HS3ST5: variants seen among roughly 807,000 people sequenced by gnomAD.
HS3ST5 encodes the protein heparan sulfate glucosamine 3-O-sulfotransferase 5.
In HS3ST5, 10 loss-of-function variants were observed where a neutral mutation model predicts 25.4. That is an observed-to-expected ratio of 0.39 (90% confidence interval 0.24 to 0.67). HS3ST5 has a LOEUF of 0.67. Ranked by LOEUF, HS3ST5 falls within the 30% of genes least tolerant of loss-of-function variation. HS3ST5 has a pLI of 0.44. For synonymous variants in HS3ST5, 170 were observed against 162.4 expected (o/e 1.05, Z -0.36); for missense variants, 324 against 420.7 (o/e 0.77, Z 2.01).
chr6:114,165,705 A>G (rs1236863194), intron 3 of HS3ST5, among the ~76,000 whole-genome samples: 1 of 152,132 alleles, frequency 6.6e-6, no homozygotes. Context: ...CACCCCCATG[A>G]CTGCTACATC....
intron 1 of HS3ST5, among the ~76,000 whole-genome samples, chr6:114,320,608 A>G (rs1213187094): frequency 6.6e-6 from 1 of 152,082 alleles, no homozygotes; most frequent in Non-Finnish European, 1.5e-5. Context: ...TGGTAGCAGT[A>G]TCGGGGTGTA....
intron 2 of HS3ST5, among the ~76,000 whole-genome samples, chr6:114,187,799 C>G (rs1780296427): frequency 6.6e-6 from 1 of 152,024 alleles, no homozygotes; most frequent in South Asian, 2.1e-4. Flanking sequence ...ATCGATGTGG[C>G]CAAGTTTACT....
At chr6:114,262,978 C>G (rs9488359) in intron 1 of HS3ST5, among the ~76,000 whole-genome samples, 83,438 of 151,954 alleles carry the variant, frequency 0.55, 23,129 homozygotes, top group Middle Eastern at 0.65. Context: ...TGTAGAAAGT[C>G]TAGGAGATTG....
intron 2 of HS3ST5, among the ~76,000 whole-genome samples, chr6:114,201,983 C>T (rs1582709803): frequency 1.3e-5 from 2 of 152,162 alleles, no homozygotes; most frequent in East Asian, 1.9e-4. Flanking sequence ...TCAATTACCT[C>T]CCACCGGGTC....
chr6:114,285,235 AATG>A lies in HS3ST5; in HGVS notation c.-338-56460_-338-56458del, dbSNP rs553457650. ...TGTTTTCACTTATAAGTGGGAGCTG[AATG>A]ATGAGAACACATGGACACACAGAAG... On this transcript the variant is annotated intron_variant, in intron 1 of 4. Transcript: ENST00000312719. Among the ~76,000 whole-genome samples the A allele has an allele frequency of 5.4e-4, 82 of 152,138 alleles. 1 individual carries two copies. The South Asian group carries it at 0.017, about 32-fold the overall frequency.
chr6:114,308,089 C>T (rs938632317), intron 1 of HS3ST5, among the ~76,000 whole-genome samples: 3 of 152,006 alleles, frequency 2.0e-5, no homozygotes, highest in African/African-American at 4.8e-5. Flanking sequence ...ATAGACTACT[C>T]TTCAAGAAAA....
chr6:114,277,829 G>A (rs1337328), intron 1 of HS3ST5, among the ~76,000 whole-genome samples: 83,602 of 151,794 alleles, frequency 0.55, 23,308 homozygotes, highest in Middle Eastern at 0.67. Context: ...TCTTGAGCAA[G>A]AATGCTCTCA....
chr6:114,231,941 A>G (rs1375573613), intron 1 of HS3ST5, among the ~76,000 whole-genome samples: 1 of 152,118 alleles, frequency 6.6e-6, no homozygotes, highest in East Asian at 1.9e-4. Context: ...TTATTGTTTC[A>G]CTCCTGGAGA....
Position 114,058,156 on chromosome 6 carries a change from C to A in HS3ST5, c.142G>T (p.Gly48Cys), listed in dbSNP as rs1193598234. 6.2e-7 allele frequency: 1 copy of A among 1,609,366 alleles called. No homozygotes were observed. The highest frequency in any genetic ancestry group is 8.5e-7 in the Non-Finnish European group (1 of 1,176,396). ...QPICPIEGRL[G>C]GARTQAEFPL... The stretch of plus-strand genomic sequence containing the variant: ...AATTCAGCCTGAGTGCGGGCTCCAC[C>A]CAGTCGACCTTCAATGGGGCAAATG... Residue 48 changes from glycine (G) to cysteine (C), a missense_variant, in exon 5 of 5, where the codon GGT (glycine) becomes TGT (cysteine). Gly to Cys is a radical substitution (Grantham distance 159). Transcript: ENST00000312719.
At chr6:114,173,848 G>C (rs1308833185) in intron 2 of HS3ST5, among the ~76,000 whole-genome samples, 1 of 152,106 alleles carries the variant, frequency 6.6e-6, no homozygotes, top group East Asian at 1.9e-4. Flanking sequence ...AACAGAGCAA[G>C]ACTCCATCTC....
chr6:114,330,026 G>A (rs530808805), intron 1 of HS3ST5, among the ~76,000 whole-genome samples: 1 of 152,012 alleles, frequency 6.6e-6, no homozygotes, highest in Non-Finnish European at 1.5e-5. Flanking sequence ...CTCCCTCTTG[G>A]GTAAGAGATG....
Position 114,141,653 on chromosome 6 carries a change from A to T in HS3ST5, c.-33+26698T>A, listed in dbSNP as rs191040944. Among the ~76,000 whole-genome samples the T allele has an allele frequency of 2.0e-3, 303 of 152,304 alleles. 1 individual carries two copies. Among genetic ancestry groups the T allele is most frequent in the Middle Eastern group, 0.014 (4 of 294 alleles). On this transcript the variant is annotated intron_variant, in intron 3 of 4. Coordinates refer to ENST00000312719, the MANE Select transcript of HS3ST5 (RefSeq NM_153612.4). ...CCCAAGTATGACAGTTTTAATTTTC[A>T]TTTTAACAATATGTACAATACCAAA... is the stretch of plus-strand genomic sequence containing the variant.
intron 3 of HS3ST5, among the ~76,000 whole-genome samples, chr6:114,106,996 T>C (rs894618705): frequency 6.6e-6 from 1 of 151,970 alleles, no homozygotes; most frequent in Middle Eastern, 3.2e-3. Context: ...ACAAAAAGAC[T>C]TGGGTTGGAA....
At chr6:114,143,519 T>C (rs1772165209) in intron 3 of HS3ST5, 1 of 152,126 alleles carries the variant, frequency 6.6e-6, no homozygotes, top group South Asian at 2.1e-4. Context: ...GTGTGAAAGT[T>C]GTAAGATTCA....
chr6:114,257,014 G>C (rs1452167722), intron 1 of HS3ST5, among the ~76,000 whole-genome samples: 1 of 152,176 alleles, frequency 6.6e-6, no homozygotes, highest in Non-Finnish European at 1.5e-5. Context: ...ATGAGAACCA[G>C]GTAAAGGGGT....
At chr6:114,086,461 T>C (rs761885003) in intron 3 of HS3ST5, among the ~76,000 whole-genome samples, 25 of 152,268 alleles carry the variant, frequency 1.6e-4, no homozygotes, top group African/African-American at 2.4e-4. Flanking sequence ...CCACAAGGAA[T>C]TGGATTCTGC....
At chr6:114,282,070 T>G (rs1419282165) in intron 1 of HS3ST5, 1 of 151,934 alleles carries the variant, frequency 6.6e-6, no homozygotes, top group South Asian at 2.1e-4. Context: ...TAAATAAAAC[T>G]CAGAAACTGT....
chr6:114,280,538 G>C (rs1774061578), intron 1 of HS3ST5, among the ~76,000 whole-genome samples: 1 of 152,026 alleles, frequency 6.6e-6, no homozygotes, highest in Non-Finnish European at 1.5e-5. Flanking sequence ...ACTCATTCCA[G>C]TGGCATAACG....
At position 114,197,139 on chromosome 6, in the gene HS3ST5, T is replaced by TG. The variant is rs568559605; in HGVS notation, c.-144-28678_-144-28677insC. On this transcript the variant is annotated intron_variant, in intron 2 of 4. Transcript: ENST00000312719. ...TTCTTTCTTTCTTTCTTTTTTTTTT[T>TG]TTGTTGTTTTTAATGAGTACTTTAT... 2.0e-3 allele frequency among the ~76,000 whole-genome samples: 307 copies of TG among 151,624 alleles called. 1 individual carries two copies. The highest frequency in any genetic ancestry group is 6.5e-3 in the African/African-American group (269 of 41,474).
Sources: allele counts gnomAD v4.1 joint callset (sites outside exome capture counted in the v4.1 genomes callset), GRCh38; gene constraint gnomAD v4.1.1; transcripts MANE v1.5; gene names NCBI Gene and HGNC (gene_info 2026-07-23, HGNC 2026-07-21).